The following LPA variants were observed in gnomAD, a reference collection of about 807,000 sequenced individuals.
LPA encodes the protein lipoprotein(a).
A neutral mutation model predicts 197.9 loss-of-function variants in LPA; 199 were observed. The observed-to-expected ratio is 1.01, with a 90% confidence interval of 0.90 to 1.13. LPA has a LOEUF of 1.13. LPA is among the 50% of genes most tolerant of loss of function. The probability of loss-of-function intolerance (pLI) is 0.00; values close to 1 mark genes in which losing one functional copy is unlikely to be tolerated. For missense variants in LPA, 1,853 were observed against 1,785.8 expected, an observed-to-expected ratio of 1.04 and a Z score of -0.68; for synonymous variants, 715 against 639.5, an observed-to-expected ratio of 1.12 and a Z score of -1.78.
At chr6:160,559,158 T>C (rs1406755854) in intron 28 of LPA, among the ~76,000 whole-genome samples, 1 of 152,232 alleles carries the variant, frequency 6.6e-6, no homozygotes, top group Non-Finnish European at 1.5e-5. Context: ...AGAAACTCTC[T>C]TGAGTCCCTA....
At chr6:160,565,646 G>A (rs893205885) in intron 28 of LPA, among the ~76,000 whole-genome samples, 13 of 152,166 alleles carry the variant, frequency 8.5e-5, no homozygotes, top group Admixed American at 3.9e-4. Context: ...AGCTCCTCAC[G>A]AGCAACAGAA....
intron 30 of LPA, among the ~76,000 whole-genome samples, chr6:160,551,339 A>G (rs957426690): frequency 6.6e-6 from 1 of 152,174 alleles, no homozygotes; most frequent in African/African-American, 2.4e-5. Context: ...GTGTACATCT[A>G]TCTATCCCCA....
At chr6:160,610,751 G>A (rs1779483814) in intron 16 of LPA, among the ~76,000 whole-genome samples, 1 of 152,136 alleles carries the variant, frequency 6.6e-6, no homozygotes, top group Non-Finnish European at 1.5e-5. Flanking sequence ...CAGGCTGCTT[G>A]AGCTCCATCT....
intron 18 of LPA, among the ~76,000 whole-genome samples, chr6:160,603,844 T>C (rs1484566344): frequency 6.6e-6 from 1 of 152,154 alleles, no homozygotes; most frequent in Non-Finnish European, 1.5e-5. Context: ...TGCCTTTTTT[T>C]CTAGAAATTT....
In LPA at chr6:160,650,406, C is replaced by T. The variant is rs1253360100; in HGVS notation, c.141G>A (p.Arg47=). ...TCATAGATGACCAAGCTTGGCAGGTCCTTCCTGTGACAGTGGTGGAGTACG... is the reference window on the plus strand; with the variant it reads ...TCATAGATGACCAAGCTTGGCAGGTTCTTCCTGTGACAGTGGTGGAGTACG... ...RGTYSTTVTG[R]TCQAWSSMTP... is the part of the protein sequence containing the mutation. The change falls in exon 2 of 39, where the codon AGG becomes AGA. Residue 47 remains arginine (R), a synonymous_variant. Coordinates refer to ENST00000316300, the MANE Select transcript of LPA (RefSeq NM_005577.4). 3.1e-6 allele frequency: 5 copies of T among 1,613,864 alleles called. No homozygotes were observed. In the East Asian group the frequency reaches 6.7e-5, roughly 22 times the overall value.
chr6:160,552,971 T>C (rs1428737496), intron 30 of LPA, among the ~76,000 whole-genome samples: 1 of 152,120 alleles, frequency 6.6e-6, no homozygotes, highest in Non-Finnish European at 1.5e-5. Context: ...TATCCATTCC[T>C]CTCAGTTTAA....
At chr6:160,542,640 G>A (rs1316404783) in intron 34 of LPA, 48 bp downstream of exon 34, 1 of 1,610,780 alleles carries the variant, frequency 6.2e-7, no homozygotes, top group South Asian at 1.1e-5. Flanking sequence ...GGGTTTTGTG[G>A]GGCTTACATG....
intron 16 of LPA, among the ~76,000 whole-genome samples, chr6:160,607,619 C>T (rs1779386408): frequency 6.6e-6 from 1 of 152,122 alleles, no homozygotes; most frequent in Admixed American, 6.5e-5. Flanking sequence ...TCCAACCTCT[C>T]TCTATCCTCA....
At chr6:160,654,052 TATATTATA>T (rs1780078507) in intron 1 of LPA, among the ~76,000 whole-genome samples, 2 of 8,412 alleles carry the variant, frequency 2.4e-4, no homozygotes, top group South Asian at 3.1e-3. Context: ...TAATATATAA[TATATTATA>T]TATATTATAT....
chr6:160,531,519 A>C lies in LPA; in HGVS notation c.*210T>G, dbSNP rs1251187388. On this transcript the variant is annotated 3_prime_UTR_variant, in exon 39 of 39. Coordinates refer to ENST00000316300, the MANE Select transcript of LPA (RefSeq NM_005577.4). ...TAAGTGCAGAGTTTATTTTTAACAAATGTCATAGCTATGACACCTTAATAC... is the reference window on the plus strand; with the variant it reads ...TAAGTGCAGAGTTTATTTTTAACAACTGTCATAGCTATGACACCTTAATAC... 2 of 616,150 alleles carry C rather than the reference A, an allele frequency of 3.2e-6. No homozygotes were observed. The highest frequency in any genetic ancestry group is 3.7e-5 in the African/African-American group (2 of 53,868). The allele number at this position is 616,150 out of a possible 1,614,324, so 38.2% of individuals were successfully genotyped here. A position where few individuals can be genotyped will look rare whatever the true frequency, so the allele number is the denominator to read the frequency against.
At chr6:160,583,568 A>T (rs984035917) in intron 26 of LPA, among the ~76,000 whole-genome samples, 2 of 152,108 alleles carry the variant, frequency 1.3e-5, no homozygotes, top group Non-Finnish European at 2.9e-5. Flanking sequence ...CATTGAGCTC[A>T]CTGTTCCCCA....
rs374252197 is a variant in LPA at position 160,664,238 on chromosome 6, A to C, written c.-24T>G. 4.5e-5 allele frequency: 72 copies of C among 1,604,030 alleles called. No individual in the cohort carries two copies. The African/African-American group carries it at 7.2e-4, about 16-fold the overall frequency. ...ATTTTGGGACTGGCCAGCAGTGCCC[A>C]GAAAGTGTGTCCCAATCCCAGGACA... On this transcript the variant is annotated 5_prime_UTR_variant, in exon 1 of 39. Transcript: ENST00000316300.
At position 160,600,924 on chromosome 6, in the gene LPA, A is replaced by G. The variant is rs757830711; in HGVS notation, c.3120T>C (p.Phe1040=). 11 of 1,612,018 alleles carry G rather than the reference A, an allele frequency of 6.8e-6. No homozygotes were observed. Among genetic ancestry groups the G allele is most frequent in the Non-Finnish European group, 9.3e-6 (11 of 1,179,754 alleles). Residue 1040 remains phenylalanine (F), a synonymous_variant, in exon 19 of 39, where the codon TTT becomes TTC. Transcript: ENST00000316300. The stretch of plus-strand genomic sequence containing the variant: ...TCTGGCACAACTTCTTACCTTGTTC[A>G]AAAAAAGCCTCTAGGCTTGGAGCCA... ...VILAPSLEAF[F]EQALTEETPG...
intron 16 of LPA, among the ~76,000 whole-genome samples, chr6:160,609,372 G>C (rs1262556243): frequency 3.9e-5 from 6 of 152,004 alleles, no homozygotes; most frequent in Non-Finnish European, 8.8e-5. Flanking sequence ...CTGGCTTCCA[G>C]TGTTTCTGAG....
At chr6:160,569,363 C>T (rs1020759282) in intron 28 of LPA, among the ~76,000 whole-genome samples, 1 of 151,762 alleles carries the variant, frequency 6.6e-6, no homozygotes, top group African/African-American at 2.4e-5. Context: ...ACAAACCTGA[C>T]AAAAACAAGA....
intron 1 of LPA, 39 bp downstream of exon 1, chr6:160,664,126 GA>G: frequency 3.2e-6 from 5 of 1,551,124 alleles, no homozygotes; most frequent in Non-Finnish European, 4.4e-6. Flanking sequence ...CATTGTGGGA[GA>G]AAAAATAATT....
rs7450261 is a variant in LPA, at chr6:160,599,473, C to T, written c.3287+27G>A. On this transcript the variant is annotated intron_variant, in intron 20 of 38. Transcript: ENST00000316300. ...CAGAAACTTCCATTGGCCCTTCCTT[C>T]GCTTATGGTAAAGAACAAAGACGTA... 4,798 of 1,612,354 alleles carry T rather than the reference C, an allele frequency of 3.0e-3. 129 individuals carry two copies. The African/African-American group carries it at 0.058, about 19-fold the overall frequency.
intron 23 of LPA, among the ~76,000 whole-genome samples, chr6:160,590,364 G>T (rs1178334065): frequency 2.0e-5 from 3 of 152,188 alleles, no homozygotes; most frequent in Non-Finnish European, 4.4e-5. Context: ...GGAGGGGCAA[G>T]AACACTAAGA....
intron 37 of LPA, among the ~76,000 whole-genome samples, chr6:160,537,153 C>T (rs541108511): frequency 2.4e-4 from 37 of 152,222 alleles, no homozygotes; most frequent in South Asian, 1.7e-3. Flanking sequence ...GTAAGGCTGA[C>T]GGATATAATT....
Sources: allele counts gnomAD v4.1 joint callset (sites outside exome capture counted in the v4.1 genomes callset), GRCh38; gene constraint gnomAD v4.1.1; transcripts MANE v1.5; gene names NCBI Gene and HGNC (gene_info 2026-07-23, HGNC 2026-07-21).